The following NELL2 variants were observed in gnomAD, a reference collection of about 807,000 sequenced individuals.
The protein encoded by NELL2 is neural EGFL like 2.
In NELL2, 41 loss-of-function variants were observed where a neutral mutation model predicts 109.6. The ratio of observed to expected loss-of-function variants is 0.37; its 90% CI spans 0.29 to 0.49. The LOEUF is 0.49. NELL2 is among the 20% of genes least tolerant of loss of function. NELL2 has a pLI of 0.98. For synonymous variants in NELL2, 355 were observed against 344.7 expected (o/e 1.03, Z -0.33); for missense variants, 900 against 1,008.3 (o/e 0.89, Z 1.45).
At chr12:44,718,861 G>A (rs919700391) in intron 9 of NELL2, among the ~76,000 whole-genome samples, 1 of 152,122 alleles carries the variant, frequency 6.6e-6, no homozygotes, top group Non-Finnish European at 1.5e-5. Flanking sequence ...AGGTGCTGCT[G>A]TTGGCATAAC....
intron 13 of NELL2, among the ~76,000 whole-genome samples, chr12:44,617,879 G>T (rs2136265928): frequency 6.6e-6 from 1 of 151,934 alleles, no homozygotes; most frequent in South Asian, 2.1e-4. Flanking sequence ...TTAATTCTGT[G>T]GAGAAAGCCT....
chr12:44,905,771 T>C (rs572158053), intron 1 of NELL2, among the ~76,000 whole-genome samples: 67 of 152,006 alleles, frequency 4.4e-4, no homozygotes, highest in African/African-American at 1.6e-3. Context: ...GGGGGACCTT[T>C]GGTCTGAATC....
chr12:44,516,303 AGCTTGTT>A (rs1941253113), intron 19 of NELL2, among the ~76,000 whole-genome samples: 1 of 152,084 alleles, frequency 6.6e-6, no homozygotes, highest in Non-Finnish European at 1.5e-5. Flanking sequence ...GCATGTATAT[AGCTTGTT>A]TTATACTTTG....
chr12:44,702,204 C>T (rs76257286), intron 12 of NELL2, among the ~76,000 whole-genome samples: 9,028 of 152,114 alleles, frequency 0.059, 888 homozygotes, highest in African/African-American at 0.2. Flanking sequence ...TCATTTTCTT[C>T]CTATTAATTT....
At chr12:44,782,001 C>G (rs959767082) in intron 3 of NELL2, among the ~76,000 whole-genome samples, 1 of 151,886 alleles carries the variant, frequency 6.6e-6, no homozygotes, top group African/African-American at 2.4e-5. Flanking sequence ...TGGGTAAATA[C>G]AATAAGCTTT....
At chr12:44,661,923 C>T (rs1405249520) in intron 13 of NELL2, among the ~76,000 whole-genome samples, 1 of 151,948 alleles carries the variant, frequency 6.6e-6, no homozygotes, top group Non-Finnish European at 1.5e-5. Flanking sequence ...CCCTTCCTTT[C>T]CTTTATCTTT....
At chr12:44,519,338 T>A (rs946400015) in intron 19 of NELL2, among the ~76,000 whole-genome samples, 4 of 152,342 alleles carry the variant, frequency 2.6e-5, no homozygotes, top group Admixed American at 1.3e-4. Flanking sequence ...TCCAACATTG[T>A]CACTAATCTA....
intron 2 of NELL2, among the ~76,000 whole-genome samples, chr12:44,843,448 T>C (rs1037708299): frequency 1.3e-5 from 2 of 152,116 alleles, no homozygotes; most frequent in African/African-American, 4.8e-5. Context: ...GCTGGCAGGA[T>C]TATAAAATGG....
chr12:44,746,014 A>G (rs1260129877), intron 9 of NELL2, among the ~76,000 whole-genome samples: 1 of 152,186 alleles, frequency 6.6e-6, no homozygotes, highest in African/African-American at 2.4e-5. Flanking sequence ...AAAAGAACAA[A>G]GCTGGAGGCA....
intron 9 of NELL2, among the ~76,000 whole-genome samples, chr12:44,729,574 A>AAAAAC (rs3990181): frequency 0.35 from 52,643 of 148,470 alleles, 9,615 homozygotes; most frequent in South Asian, 0.45. Context: ...TAAAAAAAAA[A>AAAAAC]AAAACCAAGA....
chr12:44,564,417 C>A (rs1023218885), intron 15 of NELL2, among the ~76,000 whole-genome samples: 1 of 152,122 alleles, frequency 6.6e-6, no homozygotes, highest in African/African-American at 2.4e-5. Flanking sequence ...GTCTTCAGGG[C>A]TGACTATTTC....
At chr12:44,590,233 G>A (rs963523359) in intron 15 of NELL2, among the ~76,000 whole-genome samples, 5 of 151,838 alleles carry the variant, frequency 3.3e-5, no homozygotes, top group Admixed American at 6.6e-5. Context: ...ATTTATCATA[G>A]TTGCATTAAT....
intron 2 of NELL2, among the ~76,000 whole-genome samples, chr12:44,836,432 G>A (rs575906041): frequency 3.3e-5 from 5 of 152,196 alleles, no homozygotes; most frequent in African/African-American, 9.6e-5. Flanking sequence ...AACTTCCCAC[G>A]TAGAACCCCA....
At chr12:44,878,462 A>T (rs11182730), upstream of NELL2, among the ~76,000 whole-genome samples, 3,129 of 152,300 alleles carry the variant, frequency 0.021, 108 homozygotes, top group East Asian at 0.18. Flanking sequence ...CAACATTATA[A>T]CTACTAACAT....
intron 15 of NELL2, among the ~76,000 whole-genome samples, chr12:44,553,258 T>C (rs911113145): frequency 8.0e-6 from 1 of 124,894 alleles, no homozygotes; most frequent in Admixed American, 8.9e-5. Context: ...ACCCTAAAAC[T>C]TAAAGTATAA....
chr12:44,591,560 TA>T (rs1000393923), intron 15 of NELL2, among the ~76,000 whole-genome samples: 1 of 152,130 alleles, frequency 6.6e-6, no homozygotes, highest in Non-Finnish European at 1.5e-5. Context: ...ACATGGAACC[TA>T]AAAAAGTTTA....
chr12:44,583,802 T>G (rs1308336695), intron 15 of NELL2, among the ~76,000 whole-genome samples: 1 of 152,222 alleles, frequency 6.6e-6, no homozygotes, highest in Non-Finnish European at 1.5e-5. Flanking sequence ...AGACTGGGTC[T>G]GGCTCTATTG....
intron 2 of NELL2, among the ~76,000 whole-genome samples, chr12:44,870,650 G>T (rs1025293620): frequency 6.6e-6 from 1 of 152,102 alleles, no homozygotes; most frequent in African/African-American, 2.4e-5. Context: ...TGCAGTCCTT[G>T]GCTTGTGGCC....
chr12:44,568,199 G>A (rs947357305), intron 15 of NELL2, among the ~76,000 whole-genome samples: 2 of 152,072 alleles, frequency 1.3e-5, no homozygotes, highest in African/African-American at 2.4e-5. Context: ...GGCAGGAAAC[G>A]TAGCTAAGTT....
Sources: allele counts gnomAD v4.1 joint callset (sites outside exome capture counted in the v4.1 genomes callset), GRCh38; gene constraint gnomAD v4.1.1; transcripts MANE v1.5; gene names NCBI Gene and HGNC (gene_info 2026-07-23, HGNC 2026-07-21).